The following CABIN1 variants were observed in gnomAD, a reference collection of about 807,000 sequenced individuals.
CABIN1 encodes the protein calcineurin binding protein 1.
A neutral mutation model predicts 227.7 loss-of-function variants in CABIN1; 133 were observed. That is an observed-to-expected ratio of 0.58 (90% CI 0.51 to 0.67). The LOEUF (loss-of-function observed/expected upper bound fraction) is 0.67, where lower values mean the gene tolerates loss of function less well. CABIN1 is among the 30% of genes least tolerant of loss of function. The pLI is 0.00. For synonymous variants in CABIN1, 1,086 were observed against 1,155.1 expected, an observed-to-expected ratio of 0.94 and a Z score of 1.21; for missense variants, 2,408 against 2,852.5, an observed-to-expected ratio of 0.84 and a Z score of 3.55.
At chr22:24,078,955 T>TATC (rs67697426) in intron 19 of CABIN1, among the ~76,000 whole-genome samples, 40,797 of 151,934 alleles carry the variant, frequency 0.27, 6,504 homozygotes, top group African/African-American at 0.44. Context: ...ACATACTAAA[T>TATC]ATATAGTATG....
At chr22:24,045,716 T>C (rs963391645) in intron 6 of CABIN1, among the ~76,000 whole-genome samples, 7 of 152,334 alleles carry the variant, frequency 4.6e-5, no homozygotes, top group African/African-American at 1.7e-4. Flanking sequence ...TAATAAAATA[T>C]GATAGATTGG....
intron 14 of CABIN1, 106 bp downstream of exon 14, chr22:24,063,252 G>A: frequency 8.6e-7 from 1 of 1,166,216 alleles, no homozygotes; most frequent in Non-Finnish European, 1.3e-6. Context: ...GTGTGTGTGT[G>A]TGTGTGCATG....
chr22:24,021,099 A>G (rs1361417700), intron 1 of CABIN1, among the ~76,000 whole-genome samples: 1 of 151,918 alleles, frequency 6.6e-6, no homozygotes, highest in African/African-American at 2.4e-5. Flanking sequence ...TCCTGGGTTC[A>G]AGTGATCCTC....
In CABIN1 at chr22:24,135,006, G is replaced by A. The variant is rs183665284; in HGVS notation, c.4746+591G>A. Among the ~76,000 whole-genome samples the A allele has an allele frequency of 1.7e-3, 258 of 152,180 alleles. 1 individual carries two copies. The highest frequency in any genetic ancestry group is 5.9e-3 in the African/African-American group (243 of 41,504). The stretch of plus-strand genomic sequence containing the variant: ...GCAGGAGAATTGCTTGAGCCCGGGA[G>A]GTGGAGGTTGCGGTGAGCCGAGATC... On this transcript the variant is annotated intron_variant, in intron 29 of 36. Transcript: ENST00000263119.
intron 1 of CABIN1, among the ~76,000 whole-genome samples, chr22:24,032,340 A>G (rs1224601970): frequency 2.0e-5 from 3 of 152,202 alleles, no homozygotes; most frequent in Non-Finnish European, 4.4e-5. Context: ...TTAAGTTTGA[A>G]TAGTATTCTG....
At chr22:24,057,445 AT>A (rs1264440427) in intron 10 of CABIN1, among the ~76,000 whole-genome samples, 2 of 152,054 alleles carry the variant, frequency 1.3e-5, no homozygotes, top group African/African-American at 2.4e-5. Flanking sequence ...TGGCTGGTAC[AT>A]TTTTTGTCTG....
chr22:24,157,026 G>T (rs947144834), intron 29 of CABIN1, among the ~76,000 whole-genome samples: 2 of 152,144 alleles, frequency 1.3e-5, no homozygotes, highest in Non-Finnish European at 2.9e-5. Context: ...GGAATCCCTT[G>T]CCCTCAGTAG....
intron 29 of CABIN1, among the ~76,000 whole-genome samples, chr22:24,159,517 C>A (rs1296020305): frequency 6.6e-6 from 1 of 152,198 alleles, no homozygotes; most frequent in African/African-American, 2.4e-5. Context: ...TGGCTCCTGG[C>A]ACCTCATGGC....
At chr22:24,138,672 A>G (rs935596295) in intron 29 of CABIN1, among the ~76,000 whole-genome samples, 1 of 152,144 alleles carries the variant, frequency 6.6e-6, no homozygotes, top group Non-Finnish European at 1.5e-5. Context: ...TCCTCCTGTA[A>G]TTGTTTCTCT....
intron 1 of CABIN1, among the ~76,000 whole-genome samples, chr22:24,015,376 G>A (rs1448760586): frequency 6.9e-6 from 1 of 144,820 alleles, no homozygotes; most frequent in Non-Finnish European, 1.5e-5. Context: ...ACGGAGTCTC[G>A]CTCTTTTGCC....
intron 30 of CABIN1, among the ~76,000 whole-genome samples, chr22:24,165,262 A>G (rs554108683): frequency 3.9e-5 from 6 of 152,350 alleles, no homozygotes; most frequent in Admixed American, 2.6e-4. Flanking sequence ...GGGAGCAGCT[A>G]TAGGCTGCTG....
chr22:24,168,719 G>A (rs766942833), intron 33 of CABIN1, among the ~76,000 whole-genome samples, 198 bp downstream of exon 33: 1 of 152,240 alleles, frequency 6.6e-6, no homozygotes, highest in Non-Finnish European at 1.5e-5. Flanking sequence ...CCAGACCCCA[G>A]TTCAGACATG....
rs1253530356 is a variant in CABIN1, at chr22:24,087,723, G to A, written c.3525+10G>A. On this transcript the variant is annotated intron_variant, in intron 23 of 36. Coordinates refer to ENST00000263119, the MANE Select transcript of CABIN1 (RefSeq NM_012295.4). ...TGAGCTCGTGCAGCAGGTGAGGAGG[G>A]GGTGCTGCAGATGGGCTTGCCATCC... 1.2e-6 allele frequency: 2 copies of A among 1,613,312 alleles called. No homozygotes were observed. Among genetic ancestry groups the A allele is most frequent in the East Asian group, 2.2e-5 (1 of 44,880 alleles).
intron 23 of CABIN1, 49 bp from the exon 24 acceptor site, chr22:24,091,534 T>C: frequency 1.2e-6 from 2 of 1,613,194 alleles, no homozygotes; most frequent in Non-Finnish European, 1.7e-6. Context: ...GTCTGATCCC[T>C]GGGCAGGTTC....
chr22:24,034,243 T>G (rs1213421635), intron 1 of CABIN1, among the ~76,000 whole-genome samples: 1 of 152,234 alleles, frequency 6.6e-6, no homozygotes, highest in Admixed American at 6.5e-5. Context: ...TAACAGCCCA[T>G]GGACCAGTAC....
At chr22:24,162,511 G>A (rs908850713) in intron 29 of CABIN1, among the ~76,000 whole-genome samples, 1 of 152,242 alleles carries the variant, frequency 6.6e-6, no homozygotes, top group Non-Finnish European at 1.5e-5. Flanking sequence ...AGATGAACAA[G>A]GGCACACTAG....
At chr22:24,015,695 G>T (rs896000801) in intron 1 of CABIN1, among the ~76,000 whole-genome samples, 1 of 151,858 alleles carries the variant, frequency 6.6e-6, no homozygotes, top group African/African-American at 2.4e-5. Flanking sequence ...GGTGGCTCAC[G>T]CCTGTAATCC....
intron 1 of CABIN1, 191 bp downstream of exon 1, chr22:24,011,558 C>G (rs1376260039): frequency 6.6e-6 from 1 of 152,284 alleles, no homozygotes; most frequent in African/African-American, 2.4e-5. Context: ...TCGCGAGCCT[C>G]TTCATGGCTC....
chr22:24,106,503 C>T (rs2042526749), intron 26 of CABIN1, among the ~76,000 whole-genome samples: 1 of 152,216 alleles, frequency 6.6e-6, no homozygotes, highest in South Asian at 2.1e-4. Flanking sequence ...CTGCAGGGGT[C>T]CTGTTCTCCA....
Sources: allele counts gnomAD v4.1 joint callset (sites outside exome capture counted in the v4.1 genomes callset), GRCh38; gene constraint gnomAD v4.1.1; transcripts MANE v1.5; gene names NCBI Gene and HGNC (gene_info 2026-07-23, HGNC 2026-07-21).